WAPL: variants seen among roughly 807,000 people sequenced by gnomAD.
WAPL encodes the protein wings apart-like protein homolog.
WAPL carries 5 observed loss-of-function variants against 121.0 expected under a neutral mutation model. The observed-to-expected ratio is 0.04, with a 90% CI of 0.02 to 0.09. The LOEUF is 0.09. WAPL is among the 10% of genes least tolerant of loss of function. The pLI, the probability that WAPL is intolerant of heterozygous loss-of-function variation, is 1.00. For synonymous variants in WAPL, 480 were observed against 481.5 expected, an observed-to-expected ratio of 1.00 and a Z score of 0.04; for missense variants, 999 against 1,410.8, an observed-to-expected ratio of 0.71 and a Z score of 4.68.
intron 12 of WAPL, among the ~76,000 whole-genome samples, chr10:86,454,675 C>T (rs954701722): frequency 2.0e-5 from 3 of 152,080 alleles, no homozygotes; most frequent in African/African-American, 7.2e-5. Context: ...AAGTGAGGAG[C>T]GTCTCTGCCT....
At chr10:86,510,454 T>C (rs1390108872) in intron 2 of WAPL, among the ~76,000 whole-genome samples, 1 of 152,216 alleles carries the variant, frequency 6.6e-6, no homozygotes, top group Non-Finnish European at 1.5e-5. Context: ...AGTGTTGTCA[T>C]GTTAGAAGCT....
Position 86,459,059 on chromosome 10 carries a change from C to G in WAPL, c.2587G>C (p.Val863Leu), listed in dbSNP as rs1428769249. ...TAGCTTTGATTTTCGGGATTATGCA[C>G]AGTTACCTAAAAAGGAAGAATATGA... ...RCLRVLESVT[V>L]HNPENQSYLI... is the part of the protein sequence containing the mutation. Residue 863 changes from valine (V) to leucine (L), a missense_variant, in exon 12 of 19, where the codon GTG becomes CTG. Val to Leu is a conservative substitution (Grantham distance 32). This residue lies in a region of WAPL where 118 missense variants were observed against 318.3 expected (regional missense o/e 0.37). Coordinates refer to ENST00000298767, the MANE Select transcript of WAPL (RefSeq NM_015045.5). 1.0e-5 allele frequency: 16 copies of G among 1,604,672 alleles called. No individual in the cohort carries two copies. Among genetic ancestry groups the G allele is most frequent in the Non-Finnish European group, 1.4e-5 (16 of 1,176,230 alleles).
chr10:86,478,117 T>C (rs1034253863), intron 4 of WAPL, among the ~76,000 whole-genome samples: 1 of 68,958 alleles, frequency 1.5e-5, no homozygotes, highest in Admixed American at 1.5e-4. Flanking sequence ...ATACCTAAAC[T>C]TTTTTCTGTA....
chr10:86,499,086 A>G (rs762184045), intron 3 of WAPL, among the ~76,000 whole-genome samples: 9 of 152,176 alleles, frequency 5.9e-5, no homozygotes, highest in Admixed American at 1.3e-4. Context: ...GCATTTGTCA[A>G]GTGGAAACAT....
Position 86,437,366 on chromosome 10 carries a change from G to A in WAPL, c.*177C>T. On this transcript the variant is annotated 3_prime_UTR_variant, in exon 19 of 19. Transcript: ENST00000298767. Reference sequence around the variant, plus strand: ...ATAGTTGCAGATTGATGTAGTAACTGTCATTTAGCAAATGCCGAATGCATG... The same window carrying A: ...ATAGTTGCAGATTGATGTAGTAACTATCATTTAGCAAATGCCGAATGCATG... 1 of 588,476 alleles carries A rather than the reference G, an allele frequency of 1.7e-6. No individual in the cohort carries two copies. The highest frequency in any genetic ancestry group is 3.0e-5 in the East Asian group (1 of 33,606). 36.5% of individuals were successfully genotyped at this position (588,476 alleles called of 1,614,324 possible).
intron 9 of WAPL, among the ~76,000 whole-genome samples, chr10:86,466,098 T>G (rs956875705): frequency 2.6e-5 from 4 of 152,116 alleles, no homozygotes; most frequent in African/African-American, 7.2e-5. Context: ...ATCTCACACA[T>G]GGGGCATTGT....
rs540262919 is a variant in WAPL at position 86,496,851 on chromosome 10, G to A, written c.1644+350C>T. ...GATACTTAGAAAAAGCACATTCCTA[G>A]AGACAGAGTGGAATAGTATTGACTA... On this transcript the variant is annotated intron_variant, in intron 4 of 18. Coordinates refer to ENST00000298767, the MANE Select transcript of WAPL (RefSeq NM_015045.5). Among the ~76,000 whole-genome samples, 52 of 151,154 alleles carry A rather than the reference G, an allele frequency of 3.4e-4. 1 individual carries two copies. In the South Asian group the frequency reaches 0.01, roughly 29 times the overall value.
At chr10:86,497,476 G>C (rs772044397) in intron 3 of WAPL, among the ~76,000 whole-genome samples, 157 bp from the exon 4 acceptor site, 2 of 152,152 alleles carry the variant, frequency 1.3e-5, no homozygotes, top group African/African-American at 4.8e-5. Flanking sequence ...CCTAGAATAA[G>C]AAGTTTCATT....
chr10:86,439,573 G>A (rs554034805), intron 17 of WAPL, among the ~76,000 whole-genome samples: 1 of 152,324 alleles, frequency 6.6e-6, no homozygotes, highest in East Asian at 1.9e-4. Context: ...GGTACAAAAA[G>A]AAAAGGCATG....
intron 3 of WAPL, 22 bp from the exon 4 acceptor site, chr10:86,497,341 T>C (rs775988264): frequency 1.3e-6 from 2 of 1,536,638 alleles, no homozygotes; most frequent in Non-Finnish European, 8.9e-7. Flanking sequence ...ATCAAAACTA[T>C]CTAGCTTACT....
intron 12 of WAPL, among the ~76,000 whole-genome samples, chr10:86,455,912 T>A (rs539932464): frequency 2.6e-5 from 4 of 152,264 alleles, no homozygotes; most frequent in African/African-American, 9.6e-5. Flanking sequence ...AACAGAAACA[T>A]GTTTTCTAAA....
At chr10:86,481,269 G>A (rs1421229335) in intron 4 of WAPL, among the ~76,000 whole-genome samples, 3 of 151,622 alleles carry the variant, frequency 2.0e-5, no homozygotes, top group Non-Finnish European at 2.9e-5. Flanking sequence ...ATATATACTG[G>A]GGAAGATCTA....
Position 86,446,288 on chromosome 10 carries a change from C to T in WAPL, c.3276G>A (p.Glu1092=). ...CATCCTCCTCCTCCTTCTTATGTTT[C>T]TCTTCTGTACCATCAGTCTTTTCAG... ...VSTEKTDGTE[E]KHKKEEEDEE... is the part of the protein sequence containing the mutation. Residue 1092 remains glutamate (E), a synonymous_variant, in exon 16 of 19, where the codon GAG becomes GAA. Coordinates refer to ENST00000298767, the MANE Select transcript of WAPL (RefSeq NM_015045.5). 1 of 1,614,190 alleles carries T rather than the reference C, an allele frequency of 6.2e-7. No homozygotes were observed.
chr10:86,453,540 A>T, intron 13 of WAPL, 116 bp downstream of exon 13: 2 of 1,306,332 alleles, frequency 1.5e-6, no homozygotes, highest in Non-Finnish European at 2.1e-6. Context: ...TGAGTAAGTC[A>T]AGTACATTAT....
At chr10:86,453,871 T>C (rs1263257640) in intron 12 of WAPL, 40 bp from the exon 13 acceptor site, 1 of 1,410,486 alleles carries the variant, frequency 7.1e-7, no homozygotes, top group East Asian at 2.7e-5. Flanking sequence ...TAGTAAATAA[T>C]AATAGGTACA....
chr10:86,517,105 G>C (rs1842569528), intron 2 of WAPL, among the ~76,000 whole-genome samples: 1 of 151,872 alleles, frequency 6.6e-6, no homozygotes, highest in South Asian at 2.1e-4. Context: ...TCTCAATTTG[G>C]AATCAAGTTC....
intron 4 of WAPL, among the ~76,000 whole-genome samples, chr10:86,483,205 G>A (rs1354504044): frequency 1.3e-5 from 2 of 152,124 alleles, no homozygotes; most frequent in East Asian, 1.9e-4. Flanking sequence ...TGGATCACCC[G>A]AGGTCGGGAG....
At position 86,472,745 on chromosome 10, in the gene WAPL, T is replaced by C; in HGVS notation, c.1760A>G (p.Glu587Gly). The C allele has an allele frequency of 1.2e-6, 2 of 1,613,266 alleles. No individual in the cohort carries two copies. The highest frequency in any genetic ancestry group is 8.5e-7 in the Non-Finnish European group (1 of 1,179,576). Residue 587 changes from glutamate to glycine, a missense_variant, in exon 6 of 19, where the codon GAA (glutamate) becomes GGA (glycine). Around this residue, in one of 7 missense-constraint regions of WAPL, gnomAD observed 74 missense variants for 115.1 expected, o/e 0.64. Coordinates refer to ENST00000298767, the MANE Select transcript of WAPL (RefSeq NM_015045.5). This position sits in a 1 kb window ranked among gnomAD's most constrained non-coding sequence, Gnocchi z 4.2. ...QSVTVRLSSKEPNQKDDGVFK... is the reference protein window; with the variant it reads ...QSVTVRLSSKGPNQKDDGVFK... ...AACTCCATCATCTTTTTGATTTGGT[T>C]CCTTTGAAGACAGCCTCACCTATTA...
intron 9 of WAPL, chr10:86,467,025 A>G: frequency 2.6e-6 from 1 of 380,890 alleles, no homozygotes; most frequent in South Asian, 3.1e-5. Flanking sequence ...AAAAATAAAG[A>G]GAAAAGGATT....
Sources: gnomAD v4.1 joint callset for allele counts (sites outside exome capture counted in the v4.1 genomes callset) on GRCh38, gnomAD v4.1.1 for gene constraint, gnomAD v4.1.1 regional missense constraint, Gnocchi (gnomAD v3.1) non-coding constraint, MANE v1.5 for transcripts, NCBI Gene and HGNC (gene_info 2026-07-23, HGNC 2026-07-21) for gene names.